Variants in RBFOX2 observed in about 807,000 individuals in gnomAD.
RBFOX2 encodes the protein RNA binding protein fox-1 homolog 2.
A neutral mutation model predicts 49.1 loss-of-function variants in RBFOX2; 10 were observed. The ratio of observed to expected loss-of-function variants is 0.20; its 90% CI spans 0.13 to 0.35. The LOEUF (loss-of-function observed/expected upper bound fraction) is 0.35, where lower values mean the gene tolerates loss of function less well. Ranked by LOEUF, RBFOX2 falls within the 10% of genes least tolerant of loss-of-function variation. The probability of loss-of-function intolerance (pLI) is 1.00; values close to 1 mark genes in which losing one functional copy is unlikely to be tolerated. For missense variants in RBFOX2, 323 were observed against 486.9 expected, an observed-to-expected ratio of 0.66 and a Z score of 3.17; for synonymous variants, 183 against 187.4, an observed-to-expected ratio of 0.98 and a Z score of 0.19.
rs1163456762 is a variant in RBFOX2 at position 35,856,752 on chromosome 22, G to C, written c.-33-46748C>G. 2.0e-5 allele frequency among the ~76,000 whole-genome samples: 3 copies of C among 152,116 alleles called. No homozygotes were observed. The East Asian group carries it at 5.8e-4, about 29-fold the overall frequency. ...TGTCATTAGAAATATGCAACACTGG[G>C]CCAGGCACGGTGGCTCACACCTGTA... On this transcript the variant is annotated intron_variant, in intron 1 of 13. Transcript: ENST00000359369.
chr22:35,898,003 C>T, intron 1 of RBFOX2: 1 of 729,626 alleles, frequency 1.4e-6, no homozygotes, highest in Non-Finnish European at 2.5e-6. Flanking sequence ...TTTGGTTTCC[C>T]AGTCTCGTCC....
intron 2 of RBFOX2, among the ~76,000 whole-genome samples, chr22:35,806,813 C>T (rs762816503): frequency 7.9e-5 from 12 of 152,048 alleles, no homozygotes; most frequent in Non-Finnish European, 1.5e-4. Context: ...GCACTTTTTT[C>T]GGGGAGTGGG....
intron 2 of RBFOX2, among the ~76,000 whole-genome samples, chr22:35,803,858 AT>A (rs1242040196): frequency 6.6e-6 from 1 of 152,214 alleles, no homozygotes; most frequent in African/African-American, 2.4e-5. Context: ...ACCACCAGAA[AT>A]TATCCAATCT....
upstream of RBFOX2, among the ~76,000 whole-genome samples, chr22:35,963,695 C>T (rs1391703654): frequency 1.3e-5 from 2 of 152,122 alleles, no homozygotes; most frequent in Admixed American, 6.5e-5. Context: ...TATGTGTCAT[C>T]GCTATTTCAA....
chr22:35,981,940 C>G (rs2057477284), intron 1 of RBFOX2, among the ~76,000 whole-genome samples: 1 of 152,104 alleles, frequency 6.6e-6, no homozygotes, highest in South Asian at 2.1e-4. Context: ...ACTTATAAGT[C>G]AGGACCCCAC....
In RBFOX2 at chr22:35,797,589, G is replaced by C. The variant is rs1400470797; in HGVS notation, c.252+12191C>G. On this transcript the variant is annotated intron_variant, in intron 2 of 11. Coordinates refer to ENST00000405409, the Ensembl canonical transcript of RBFOX2. ...AGTCTGTGACAGTGAAGAATATGAT[G>C]GCTGCCAGCAGCACAGTTTGGTGCC... 2.0e-5 allele frequency among the ~76,000 whole-genome samples: 3 copies of C among 152,306 alleles called. No individual in the cohort carries two copies. In the East Asian group the frequency reaches 5.8e-4, roughly 29 times the overall value.
In RBFOX2 at chr22:35,898,124, G is replaced by A. The variant is rs1031205482; in HGVS notation, c.-34+40723C>T. 1.5e-5 allele frequency: 11 copies of A among 743,294 alleles called. No homozygotes were observed. In the Admixed American group the frequency reaches 1.9e-4, roughly 13 times the overall value. 46.0% of individuals were successfully genotyped at this position (743,294 alleles called of 1,614,324 possible). ...TAGCCCAGGTCTCCCATGGGACGAA[G>A]GTGCATGATGTCACATGTATCACAC... On this transcript the variant is annotated intron_variant, in intron 1 of 13. Transcript: ENST00000359369.
At chr22:35,963,949 T>C (rs2056411261), upstream of RBFOX2, among the ~76,000 whole-genome samples, 1 of 152,192 alleles carries the variant, frequency 6.6e-6, no homozygotes, top group African/African-American at 2.4e-5. Flanking sequence ...TTACACCATA[T>C]TGGCCAGGCT....
intron 1 of RBFOX2, among the ~76,000 whole-genome samples, chr22:35,871,595 G>C (rs2044360158): frequency 6.6e-6 from 1 of 152,144 alleles, no homozygotes; most frequent in African/African-American, 2.4e-5. Context: ...CTTATTCAAG[G>C]GCTTTGGTGT....
intron 1 of RBFOX2, among the ~76,000 whole-genome samples, chr22:35,835,654 A>C (rs1957520883): frequency 6.6e-6 from 1 of 152,232 alleles, no homozygotes; most frequent in African/African-American, 2.4e-5. Context: ...AAAGCTAAGG[A>C]GAAAGATAAA....
intron 1 of RBFOX2, among the ~76,000 whole-genome samples, chr22:36,011,941 AT>A (rs1603466603): frequency 6.6e-6 from 1 of 152,160 alleles, no homozygotes; most frequent in East Asian, 1.9e-4. Flanking sequence ...TATACTGACT[AT>A]TTTCCATGAC....
chr22:35,839,066 T>G (rs1287780489), intron 1 of RBFOX2, among the ~76,000 whole-genome samples: 1 of 152,118 alleles, frequency 6.6e-6, no homozygotes, highest in Non-Finnish European at 1.5e-5. Context: ...GCAACCTCCT[T>G]AAAAGGAAAG....
Position 35,986,188 on chromosome 22 carries a change from T to C in RBFOX2, c.186+42052A>G, listed in dbSNP as rs1282534519. On this transcript the variant is annotated intron_variant, in intron 1 of 13. Coordinates refer to the RBFOX2 transcript ENST00000438146. Reference sequence around the variant, plus strand: ...TATGCTTAAATAGAGGCACAACCCATGTGCACACACAGACACAGACACCCC... The same window carrying C: ...TATGCTTAAATAGAGGCACAACCCACGTGCACACACAGACACAGACACCCC... Among the ~76,000 whole-genome samples the C allele has an allele frequency of 3.9e-5, 6 of 152,262 alleles. No homozygotes were observed. The East Asian group carries it at 1.2e-3, about 29-fold the overall frequency.
At chr22:35,935,777 G>A (rs2052988357) in intron 1 of RBFOX2, among the ~76,000 whole-genome samples, 1 of 152,084 alleles carries the variant, frequency 6.6e-6, no homozygotes, top group Admixed American at 6.5e-5. Flanking sequence ...CAGACAGAAG[G>A]GGAAATTTCA....
Position 35,753,871 on chromosome 22 carries a change from C to T in RBFOX2, c.887+6017G>A, listed in dbSNP as rs199984911. Reference sequence around the variant, plus strand: ...AATCTCGGCTCACTGCAACCTCTGCCTCCAGGGTTCAAGTGATTCTCCTGC... The same window carrying T: ...AATCTCGGCTCACTGCAACCTCTGCTTCCAGGGTTCAAGTGATTCTCCTGC... On this transcript the variant is annotated intron_variant, in intron 9 of 11. Coordinates refer to ENST00000405409, the Ensembl canonical transcript of RBFOX2. Among the ~76,000 whole-genome samples, 5 of 148,332 alleles carry T rather than the reference C, an allele frequency of 3.4e-5. No individual in the cohort carries two copies. The East Asian group carries it at 7.9e-4, about 23-fold the overall frequency.
At chr22:35,760,560 C>T (rs1033828212) in intron 8 of RBFOX2, among the ~76,000 whole-genome samples, 1 of 152,132 alleles carries the variant, frequency 6.6e-6, no homozygotes. Context: ...CAATTTCATT[C>T]TTTTATTTAA....
chr22:35,821,545 T>C (rs1010010517), intron 1 of RBFOX2, among the ~76,000 whole-genome samples: 1 of 127,486 alleles, frequency 7.8e-6, no homozygotes, highest in Admixed American at 1.1e-4. Flanking sequence ...GACGTTGCAG[T>C]GAGCCGAGAT....
intron 2 of RBFOX2, among the ~76,000 whole-genome samples, chr22:35,800,899 G>A (rs1177134293): frequency 6.6e-6 from 1 of 152,180 alleles, no homozygotes; most frequent in Admixed American, 6.5e-5. Context: ...CCTAAATGAA[G>A]GACACACGAA....
At chr22:35,991,736 T>C (rs1030342020) in intron 1 of RBFOX2, among the ~76,000 whole-genome samples, 34 of 152,152 alleles carry the variant, frequency 2.2e-4, no homozygotes, top group Non-Finnish European at 3.5e-4. Flanking sequence ...ACTCTCTGAA[T>C]GAAGTTACTT....
Sources: allele counts gnomAD v4.1 joint callset (sites outside exome capture counted in the v4.1 genomes callset), GRCh38; gene constraint gnomAD v4.1.1; transcripts MANE v1.5; gene names NCBI Gene and HGNC (gene_info 2026-07-23, HGNC 2026-07-21).